Variants in MIR2052HG observed in about 807,000 individuals in gnomAD.
The protein encoded by MIR2052HG is MIR2052 host gene.
rs556322318 is a variant in MIR2052HG, at chr8:74,691,029, TA to T, written n.217-11344del. ...ACTAAGTATTATTGGGTCGAGAACGTAAAAAATTCAAAATAGGGTATAACCA... is the reference window on the plus strand; with the variant it reads ...ACTAAGTATTATTGGGTCGAGAACGTAAAAATTCAAAATAGGGTATAACCA... On this transcript the variant is annotated intron_variant and non_coding_transcript_variant, in intron 2 of 6. Transcript: ENST00000523442. Among the ~76,000 whole-genome samples the T allele has an allele frequency of 4.8e-3, 735 of 152,258 alleles. 10 individuals are homozygous for T. The highest frequency in any genetic ancestry group is 0.016 in the African/African-American group (684 of 41,546).
At chr8:74,677,731 A>G (rs1302389656) in intron 2 of MIR2052HG, among the ~76,000 whole-genome samples, 1 of 152,144 alleles carries the variant, frequency 6.6e-6, no homozygotes, top group African/African-American at 2.4e-5. Context: ...ATTTGCCAGT[A>G]TTTGAAAAGA....
intron 4 of MIR2052HG, among the ~76,000 whole-genome samples, chr8:74,717,308 C>T (rs922258531): frequency 1.3e-5 from 2 of 152,154 alleles, no homozygotes; most frequent in African/African-American, 4.8e-5. Context: ...TTTCCAGCTT[C>T]ATCCATGTCC....
At chr8:74,708,522 G>A (rs1333263531) in intron 4 of MIR2052HG, among the ~76,000 whole-genome samples, 1 of 152,020 alleles carries the variant, frequency 6.6e-6, no homozygotes. Context: ...AATATTGACA[G>A]CAAAATTTAA....
chr8:74,653,970 C>T (rs545001320), intron 2 of MIR2052HG, among the ~76,000 whole-genome samples: 2 of 152,204 alleles, frequency 1.3e-5, no homozygotes, highest in South Asian at 4.1e-4. Flanking sequence ...CTCTGCTTAT[C>T]ACTAACTACT....
At chr8:74,606,760 G>A (rs1214298040) in intron 1 of MIR2052HG, among the ~76,000 whole-genome samples, 1 of 152,102 alleles carries the variant, frequency 6.6e-6, no homozygotes, top group African/African-American at 2.4e-5. Context: ...GTGACAATCT[G>A]TGCAACAAAT....
At chr8:74,612,363 T>C (rs544986517) in intron 1 of MIR2052HG, 19 of 157,302 alleles carry the variant, frequency 1.2e-4, no homozygotes, top group African/African-American at 3.8e-4. Context: ...ATTTCTCATA[T>C]CTTCACTTAT....
At chr8:74,716,012 T>C (rs1809516790) in intron 4 of MIR2052HG, among the ~76,000 whole-genome samples, 1 of 152,180 alleles carries the variant, frequency 6.6e-6, no homozygotes, top group Non-Finnish European at 1.5e-5. Context: ...CAAATGCAAA[T>C]GGTCGTTTGC....
chr8:74,713,666 G>T (rs1037988032), intron 4 of MIR2052HG, among the ~76,000 whole-genome samples: 1 of 151,994 alleles, frequency 6.6e-6, no homozygotes, highest in Non-Finnish European at 1.5e-5. Flanking sequence ...TGGATTCATG[G>T]TTAGATAGGT....
At chr8:74,651,749 C>G (rs1364297821) in intron 2 of MIR2052HG, among the ~76,000 whole-genome samples, 4 of 152,050 alleles carry the variant, frequency 2.6e-5, no homozygotes, top group Non-Finnish European at 5.9e-5. Context: ...TTGTTAGTGG[C>G]CCACATTTCT....
intron 2 of MIR2052HG, among the ~76,000 whole-genome samples, chr8:74,678,749 TATA>T (rs1330470101): frequency 6.6e-6 from 1 of 151,782 alleles, no homozygotes; most frequent in East Asian, 1.9e-4. Context: ...CAAACATTAA[TATA>T]ATAGAAATGA....
intron 2 of MIR2052HG, among the ~76,000 whole-genome samples, chr8:74,666,660 C>A (rs2588301): frequency 0.66 from 100,508 of 152,036 alleles, 34,991 homozygotes; most frequent in African/African-American, 0.89. Context: ...AGCATTCTGT[C>A]TGGCTCAAAG....
At chr8:74,650,323 T>C (rs1808738544) in intron 2 of MIR2052HG, among the ~76,000 whole-genome samples, 3 of 152,184 alleles carry the variant, frequency 2.0e-5, no homozygotes, top group Non-Finnish European at 2.9e-5. Context: ...TCACTTAACG[T>C]AAGGTTTTTT....
At chr8:74,608,707 A>C (rs1269535714) in intron 1 of MIR2052HG, among the ~76,000 whole-genome samples, 3 of 152,124 alleles carry the variant, frequency 2.0e-5, no homozygotes, top group African/African-American at 7.2e-5. Context: ...ATTTCTAAGT[A>C]AACTGTGTGT....
chr8:74,616,797 G>T lies in MIR2052HG; in HGVS notation n.216+3857G>T, dbSNP rs73687177. 3.3e-3 allele frequency among the ~76,000 whole-genome samples: 501 copies of T among 152,072 alleles called. 2 individuals carry two copies. Among genetic ancestry groups the T allele is most frequent in the African/African-American group, 0.011 (474 of 41,502 alleles). ...TTTGACCCATCACAGCACCAAAACT[G>T]TTCTTGCTCTGTTTACTCTTGATCT... On this transcript the variant is annotated intron_variant and non_coding_transcript_variant, in intron 2 of 6. Coordinates refer to ENST00000523442, the Ensembl canonical transcript of MIR2052HG.
At chr8:74,605,443 G>A (rs1008146527) in intron 1 of MIR2052HG, among the ~76,000 whole-genome samples, 1 of 152,186 alleles carries the variant, frequency 6.6e-6, no homozygotes, top group Non-Finnish European at 1.5e-5. Context: ...CATTTAGAAG[G>A]GAAATGGAAA....
In MIR2052HG at chr8:74,710,997, T is replaced by A. The variant is rs1029717939; in HGVS notation, n.371+7315T>A. Among the ~76,000 whole-genome samples, 3 of 152,224 alleles carry A rather than the reference T, an allele frequency of 2.0e-5. No homozygotes were observed. In the East Asian group the frequency reaches 5.8e-4, roughly 29 times the overall value. ...TCTATGCTGTCATGGACTGCCATCA[T>A]GGACAACACTATGCCTTGACAGGGC... On this transcript the variant is annotated intron_variant and non_coding_transcript_variant, in intron 4 of 6. Transcript: ENST00000523442.
At chr8:74,678,099 T>G (rs1809074715) in intron 2 of MIR2052HG, among the ~76,000 whole-genome samples, 1 of 152,180 alleles carries the variant, frequency 6.6e-6, no homozygotes, top group African/African-American at 2.4e-5. Context: ...AAAAGTTGGC[T>G]GAAGAGATAA....
At chr8:74,739,448 T>C (rs1809804133) in intron 4 of MIR2052HG, among the ~76,000 whole-genome samples, 1 of 152,218 alleles carries the variant, frequency 6.6e-6, no homozygotes, top group Non-Finnish European at 1.5e-5. Flanking sequence ...TATCTACCTT[T>C]TATTTCAACT....
intron 2 of MIR2052HG, among the ~76,000 whole-genome samples, chr8:74,663,061 C>G (rs1037217411): frequency 6.6e-6 from 1 of 152,020 alleles, no homozygotes; most frequent in Admixed American, 6.6e-5. Context: ...AATAAATAAA[C>G]TATAAAATAA....
Sources: gnomAD v4.1 joint callset for allele counts (sites outside exome capture counted in the v4.1 genomes callset) on GRCh38, gnomAD v4.1.1 for gene constraint, MANE v1.5 for transcripts, NCBI Gene and HGNC (gene_info 2026-07-23, HGNC 2026-07-21) for gene names.